The following CACNA2D1 variants were observed in gnomAD, a reference collection of about 807,000 sequenced individuals.
The protein encoded by CACNA2D1 is voltage-dependent calcium channel subunit alpha-2/delta-1.
Under a neutral mutation model 171.5 loss-of-function variants are expected in CACNA2D1, and 53 were observed. The ratio of observed to expected loss-of-function variants is 0.31; its 90% confidence interval spans 0.25 to 0.39. The LOEUF (loss-of-function observed/expected upper bound fraction) is 0.39, where lower values mean the gene tolerates loss of function less well. Ranked by LOEUF, CACNA2D1 falls within the 10% of genes least tolerant of loss-of-function variation. The pLI, the probability that CACNA2D1 is intolerant of heterozygous loss-of-function variation, is 1.00. For synonymous variants in CACNA2D1, 442 were observed against 443.1 expected (o/e 1.00, Z 0.03); for missense variants, 903 against 1,299.8 (o/e 0.69, Z 4.69).
chr7:82,013,456 C>A lies in CACNA2D1; in HGVS notation c.1272+5G>T. On this transcript the variant is annotated splice_donor_5th_base_variant and intron_variant, in intron 14 of 38. Coordinates refer to ENST00000356860, the MANE Select transcript of CACNA2D1 (RefSeq NM_000722.4). ...ATAATTTAAACAAGTTTTAAATAATCATACCTGAGTATTGATTCTTATTGC... is the reference window on the plus strand; with the variant it reads ...ATAATTTAAACAAGTTTTAAATAATAATACCTGAGTATTGATTCTTATTGC... The A allele has an allele frequency of 1.8e-6, 2 of 1,088,770 alleles. No individual in the cohort carries two copies. Among genetic ancestry groups the A allele is most frequent in the South Asian group, 1.8e-5 (1 of 56,316 alleles). 67.4% of individuals were successfully genotyped at this position (1,088,770 alleles called of 1,614,324 possible). A position where few individuals can be genotyped will look rare whatever the true frequency, so the allele number is the denominator to read the frequency against.
chr7:82,294,319 T>C (rs1177470010), intron 3 of CACNA2D1, among the ~76,000 whole-genome samples: 1 of 152,158 alleles, frequency 6.6e-6, no homozygotes, highest in Non-Finnish European at 1.5e-5. Flanking sequence ...AGAAGTCAGC[T>C]GTAACATAGA....
chr7:81,967,486 G>T, intron 30 of CACNA2D1, 110 bp downstream of exon 30: 1 of 677,210 alleles, frequency 1.5e-6, no homozygotes, highest in Non-Finnish European at 2.6e-6. Flanking sequence ...TTCTACTTCA[G>T]TGTAGTGGTA....
intron 7 of CACNA2D1, among the ~76,000 whole-genome samples, chr7:82,077,224 T>C (rs1390902319): frequency 6.6e-6 from 1 of 152,172 alleles, no homozygotes; most frequent in Non-Finnish European, 1.5e-5. Flanking sequence ...TTCCCCAATA[T>C]CTGTTTTCCT....
intron 8 of CACNA2D1, among the ~76,000 whole-genome samples, chr7:82,065,923 G>A (rs901470028): frequency 6.6e-6 from 1 of 152,168 alleles, no homozygotes; most frequent in Non-Finnish European, 1.5e-5. Context: ...TTGTTTTCCA[G>A]TAAGTCCAAT....
At chr7:82,270,778 T>A (rs1051882182) in intron 3 of CACNA2D1, among the ~76,000 whole-genome samples, 1 of 152,130 alleles carries the variant, frequency 6.6e-6, no homozygotes, top group Non-Finnish European at 1.5e-5. Context: ...CACAGACTCT[T>A]TCAAAGTCGT....
chr7:82,088,774 A>T (rs577719404), intron 6 of CACNA2D1, among the ~76,000 whole-genome samples: 9 of 152,116 alleles, frequency 5.9e-5, no homozygotes, highest in Admixed American at 5.2e-4. Context: ...TGTATTTTAT[A>T]TTCTCAATTA....
intron 3 of CACNA2D1, among the ~76,000 whole-genome samples, chr7:82,323,436 C>A (rs1455850113): frequency 6.6e-6 from 1 of 152,156 alleles, no homozygotes; most frequent in Admixed American, 6.5e-5. Flanking sequence ...ATCCCAAGTT[C>A]TGGTTCTAGC....
At chr7:82,293,797 T>C (rs2299168) in intron 3 of CACNA2D1, among the ~76,000 whole-genome samples, 19,329 of 152,188 alleles carry the variant, frequency 0.13, 2,679 homozygotes, top group African/African-American at 0.34. Context: ...TGTTTTCAGC[T>C]ATATTTTGCA....
intron 10 of CACNA2D1, 134 bp from the exon 11 acceptor site, chr7:82,038,369 TG>T (rs765840000): frequency 6.7e-6 from 5 of 746,118 alleles, no homozygotes; most frequent in East Asian, 2.7e-5. Context: ...AGTAGGCTGG[TG>T]ACAAAGGTGC....
intron 7 of CACNA2D1, among the ~76,000 whole-genome samples, chr7:82,082,515 T>C (rs1300386192): frequency 6.6e-6 from 1 of 151,744 alleles, no homozygotes; most frequent in Non-Finnish European, 1.5e-5. Context: ...TTCTCAAAGG[T>C]GGGCATGACA....
At chr7:82,141,960 G>C (rs1203951014) in intron 4 of CACNA2D1, among the ~76,000 whole-genome samples, 1 of 152,060 alleles carries the variant, frequency 6.6e-6, no homozygotes, top group African/African-American at 2.4e-5. Context: ...TGATAGAATA[G>C]AGTAATCTTG....
chr7:82,053,023 C>T (rs1173751329), intron 10 of CACNA2D1, among the ~76,000 whole-genome samples: 5 of 152,066 alleles, frequency 3.3e-5, no homozygotes, highest in East Asian at 3.9e-4. Flanking sequence ...GAGGCAGAGG[C>T]GGGCGGATCA....
intron 1 of CACNA2D1, among the ~76,000 whole-genome samples, chr7:82,395,961 A>G (rs1825718661): frequency 1.3e-5 from 2 of 152,218 alleles, no homozygotes; most frequent in African/African-American, 4.8e-5. Flanking sequence ...AATCCTATGC[A>G]GACTACAGAA....
At chr7:82,058,481 A>G (rs1179874451) in intron 10 of CACNA2D1, among the ~76,000 whole-genome samples, 2 of 152,190 alleles carry the variant, frequency 1.3e-5, no homozygotes, top group Non-Finnish European at 2.9e-5. Flanking sequence ...TTATATACAA[A>G]TAAAGCCAAA....
At chr7:81,992,358 T>C (rs1797634540) in intron 20 of CACNA2D1, among the ~76,000 whole-genome samples, 1 of 152,060 alleles carries the variant, frequency 6.6e-6, no homozygotes. Flanking sequence ...GGTGCTTAAG[T>C]TGGCAAAATA....
intron 6 of CACNA2D1, among the ~76,000 whole-genome samples, chr7:82,091,192 A>T (rs1811111648): frequency 6.6e-6 from 1 of 152,220 alleles, no homozygotes; most frequent in Non-Finnish European, 1.5e-5. Context: ...GTGTAAATGA[A>T]AGATGAATAA....
chr7:82,268,018 A>G (rs1808133206), intron 3 of CACNA2D1, among the ~76,000 whole-genome samples: 1 of 152,068 alleles, frequency 6.6e-6, no homozygotes, highest in Non-Finnish European at 1.5e-5. Context: ...AAAACAAAAA[A>G]ACCTACAGAC....
At chr7:82,375,059 TATC>T (rs1319931798) in intron 1 of CACNA2D1, among the ~76,000 whole-genome samples, 2 of 152,120 alleles carry the variant, frequency 1.3e-5, no homozygotes, top group Non-Finnish European at 2.9e-5. Flanking sequence ...CTCCCAAAAA[TATC>T]ATATTGGATC....
intron 12 of CACNA2D1, among the ~76,000 whole-genome samples, chr7:82,032,311 A>C (rs1343728453): frequency 6.6e-6 from 1 of 151,822 alleles, no homozygotes; most frequent in African/African-American, 2.4e-5. Context: ...GAAAGGAATC[A>C]GTTTTCAAAT....
Sources: gnomAD v4.1 joint callset for allele counts (sites outside exome capture counted in the v4.1 genomes callset) on GRCh38, gnomAD v4.1.1 for gene constraint, MANE v1.5 for transcripts, NCBI Gene and HGNC (gene_info 2026-07-23, HGNC 2026-07-21) for gene names.